The following TMEM44 variants were observed in gnomAD, a reference collection of about 807,000 sequenced individuals.
The protein encoded by TMEM44 is transmembrane protein 44.
A neutral mutation model predicts 47.8 loss-of-function variants in TMEM44; 43 were observed. The observed-to-expected ratio is 0.90, with a 90% CI of 0.70 to 1.16. TMEM44 has a LOEUF of 1.16. TMEM44 is among the 50% of genes most tolerant of loss of function. TMEM44 has a pLI of 0.00. For missense variants in TMEM44, 568 were observed against 555.2 expected, an observed-to-expected ratio of 1.02 and a Z score of -0.23; for synonymous variants, 277 against 238.8, an observed-to-expected ratio of 1.16 and a Z score of -1.48.
intron 1 of TMEM44, 76 bp from the exon 2 acceptor site, chr3:194,628,585 C>T (rs1717429149): frequency 6.7e-7 from 1 of 1,492,342 alleles, no homozygotes; most frequent in Non-Finnish European, 9.0e-7. Flanking sequence ...AAAAGGGCAA[C>T]TGTGACCCCG....
chr3:194,615,538 C>G lies in TMEM44; in HGVS notation c.912+31G>C. The G allele has an allele frequency of 1.9e-6, 3 of 1,607,874 alleles. 1 individual carries two copies. In the South Asian group the frequency reaches 3.3e-5, roughly 18 times the overall value. On this transcript the variant is annotated intron_variant, in intron 7 of 9. Coordinates refer to ENST00000347147, the MANE Select transcript of TMEM44 (RefSeq NM_001011655.3). ...TACTGTTGCTGGGACCAGAGTTTTC[C>G]AGCCAGAGAGACCTTGTCCTCGTTC...
chr3:194,598,026 T>C (rs981002760), intron 9 of TMEM44, among the ~76,000 whole-genome samples: 24 of 152,156 alleles, frequency 1.6e-4, no homozygotes, highest in Admixed American at 2.6e-4. Flanking sequence ...TGACGTTGTA[T>C]TGAATGGGTG....
chr3:194,588,603 C>G lies in TMEM44; in HGVS notation c.1213G>C (p.Glu405Gln). 6.2e-7 allele frequency: 1 copy of G among 1,614,216 alleles called. No individual in the cohort carries two copies. The highest frequency in any genetic ancestry group is 8.5e-7 in the Non-Finnish European group (1 of 1,180,044). Residue 405 changes from glutamate to glutamine, a missense_variant, in exon 10 of 10, where the codon GAA (glutamate) becomes CAA (glutamine). Glu to Gln is a conservative substitution (Grantham distance 29). Coordinates refer to ENST00000347147, the MANE Select transcript of TMEM44 (RefSeq NM_001011655.3). ...TGGGATCCCAGTAGCTCCACATTTT[C>G]TTTGCTGCCTTCGAGGTTCACATCT... ...PEDVNLEGSK[E>Q]NVELLGSQVH...
At chr3:194,599,591 T>TTTTC (rs1713833701) in intron 9 of TMEM44, among the ~76,000 whole-genome samples, 4 of 58,596 alleles carry the variant, frequency 6.8e-5, no homozygotes, top group Admixed American at 4.2e-4. Context: ...CTTTTCTTTT[T>TTTTC]TTTTTTTTTT....
At position 194,594,153 on chromosome 3, in the gene TMEM44, A is replaced by ATCTATCTGTCTG. The variant is rs1553824445; in HGVS notation, c.1177-5515_1177-5514insCAGACAGATAGA. ...TATCTATCTATCTATCTATCTATCT[A>ATCTATCTGTCTG]TCTATCTATCTATATCTATCTATCT... On this transcript the variant is annotated intron_variant, in intron 9 of 9. Transcript: ENST00000347147. Among the ~76,000 whole-genome samples the ATCTATCTGTCTG allele has an allele frequency of 2.7e-3, 406 of 148,392 alleles. 6 individuals are homozygous for ATCTATCTGTCTG. Among genetic ancestry groups the ATCTATCTGTCTG allele is most frequent in the South Asian group, 4.5e-3 (21 of 4,648 alleles).
Position 194,617,173 on chromosome 3 carries a change from G to C in TMEM44, c.709C>G (p.Gln237Glu), listed in dbSNP as rs760646334. Residue 237 changes from glutamine (Q) to glutamate (E), a missense_variant, in exon 6 of 10, where the codon CAG becomes GAG. By Grantham distance (29) the Gln-to-Glu change is conservative. Coordinates refer to ENST00000347147, the MANE Select transcript of TMEM44 (RefSeq NM_001011655.3). The stretch of plus-strand genomic sequence containing the variant: ...GCCCGCAGCAGGTACTCAGGGTGCT[G>C]GTCGTGGGCCACAATGGCCGAGGCA... ...LYASAIVAHD[Q>E]HPEYLLRATP... 3 of 1,554,948 alleles carry C rather than the reference G, an allele frequency of 1.9e-6. No individual in the cohort carries two copies. Among genetic ancestry groups the C allele is most frequent in the African/African-American group, 2.7e-5 (2 of 73,430 alleles).
rs1159152360 is a variant in TMEM44, at chr3:194,626,385, A to G, written c.265-395T>C. Among the ~76,000 whole-genome samples, 3 of 152,368 alleles carry G rather than the reference A, an allele frequency of 2.0e-5. No individual in the cohort carries two copies. The East Asian group carries it at 5.8e-4, about 29-fold the overall frequency. ...AACAGTGCTTCCCTCAAAGACTGTCAGGAAGGTTACTTGAGACAGTACATG... is the reference window on the plus strand; with the variant it reads ...AACAGTGCTTCCCTCAAAGACTGTCGGGAAGGTTACTTGAGACAGTACATG... On this transcript the variant is annotated intron_variant, in intron 2 of 9. Transcript: ENST00000347147.
Position 194,633,197 on chromosome 3 carries a change from G to GGAGGC in TMEM44, c.18_19insGCCTC (p.Pro7AlafsTer46), listed in dbSNP as rs984310660. 68 of 1,498,482 alleles carry GGAGGC rather than the reference G, an allele frequency of 4.5e-5. No individual in the cohort carries two copies. Among genetic ancestry groups the GGAGGC allele is most frequent in the Non-Finnish European group, 5.5e-5 (62 of 1,123,568 alleles). 92.8% of individuals were successfully genotyped at this position (1,498,482 alleles called of 1,614,324 possible). Reference sequence around the variant, plus strand: ...TCCCAGTCCCAGAGCGCGGGCGCGGGGCTGGGCGCCTCCCCCATGGCGCGG... The same window carrying GGAGGC: ...TCCCAGTCCCAGAGCGCGGGCGCGGGGAGGCGCTGGGCGCCTCCCCCATGGCGCGG... On this transcript the variant is annotated frameshift_variant, in exon 1 of 10. Transcript: ENST00000347147. LOFTEE classifies it high-confidence loss of function.
At chr3:194,591,970 G>C (rs1416627945) in intron 9 of TMEM44, among the ~76,000 whole-genome samples, 2 of 152,140 alleles carry the variant, frequency 1.3e-5, no homozygotes, top group Non-Finnish European at 2.9e-5. Context: ...TGTAATCCCA[G>C]CACTTTGGGA....
At chr3:194,623,098 A>G in intron 5 of TMEM44, 126 bp downstream of exon 5, 2 of 889,676 alleles carry the variant, frequency 2.2e-6, no homozygotes, top group Non-Finnish European at 3.3e-6. Context: ...TCTTCAGGAA[A>G]AGCTGAGCCC....
At chr3:194,629,995 T>C (rs13092592) in intron 1 of TMEM44, among the ~76,000 whole-genome samples, 2 of 49,440 alleles carry the variant, frequency 4.0e-5, no homozygotes, top group African/African-American at 8.2e-5. Flanking sequence ...TGAAATAGTA[T>C]GCTGTCGTAC....
intron 9 of TMEM44, among the ~76,000 whole-genome samples, chr3:194,602,649 A>G (rs1299125472): frequency 1.2e-4 from 18 of 150,340 alleles, no homozygotes; most frequent in African/African-American, 4.4e-4. Flanking sequence ...GGGCACTCAG[A>G]GGAAGGAGCC....
intron 8 of TMEM44, among the ~76,000 whole-genome samples, chr3:194,607,903 G>C (rs1371740106): frequency 5.3e-5 from 8 of 152,172 alleles, no homozygotes; most frequent in Non-Finnish European, 1.2e-4. Flanking sequence ...GGAAAAAGCT[G>C]GGTGGAAGCT....
At chr3:194,617,859 G>A in intron 5 of TMEM44, 2 of 646,422 alleles carry the variant, frequency 3.1e-6, no homozygotes, top group Non-Finnish European at 5.6e-6. Context: ...TCACGACAGT[G>A]AGTGAGTTCT....
rs1273156037 is a variant in TMEM44, at chr3:194,611,455, T to C, written c.913-435A>G. 1.3e-5 allele frequency among the ~76,000 whole-genome samples: 2 copies of C among 152,078 alleles called. No homozygotes were observed. Among genetic ancestry groups the C allele is most frequent in the South Asian group, 4.1e-4 (2 of 4,828 alleles). On this transcript the variant is annotated intron_variant, in intron 7 of 9. Transcript: ENST00000347147. This position sits in a 1 kb window ranked among gnomAD's most constrained non-coding sequence, Gnocchi z 4.2. ...TGAGCAGCGATCTGGAGTGAAGCTG[T>C]GATCCAGGCACTGCATTCCAGCCTA...
At chr3:194,608,844 C>G (rs1053940370) in intron 8 of TMEM44, among the ~76,000 whole-genome samples, 1 of 152,116 alleles carries the variant, frequency 6.6e-6, no homozygotes, top group African/African-American at 2.4e-5. Context: ...AGAGCTCTGG[C>G]CCAGAGGAGT....
In TMEM44 at chr3:194,623,739, C is replaced by T. The variant is rs975087001; in HGVS notation, c.359-44G>A. 3 of 1,610,996 alleles carry T rather than the reference C, an allele frequency of 1.9e-6. No individual in the cohort carries two copies. The African/African-American group carries it at 4.0e-5, about 22-fold the overall frequency. On this transcript the variant is annotated intron_variant, in intron 3 of 9. Coordinates refer to ENST00000347147, the MANE Select transcript of TMEM44 (RefSeq NM_001011655.3). ...TCCCACATGGCTCCTGGAAGCCAGA[C>T]CTTGTCAGATCAGATAGCTGCGTGG...
chr3:194,617,162 C>A lies in TMEM44; in HGVS notation c.720G>T (p.Glu240Asp). 1 of 1,558,178 alleles carries A rather than the reference C, an allele frequency of 6.4e-7. No individual in the cohort carries two copies. Among genetic ancestry groups the A allele is most frequent in the South Asian group, 1.2e-5 (1 of 84,374 alleles). ...ACCAGGGTGTGGCCCGCAGCAGGTA[C>A]TCAGGGTGCTGGTCGTGGGCCACAA... is the stretch of plus-strand genomic sequence containing the variant. Reference protein sequence around the residue: ...SAIVAHDQHPEYLLRATPWFL... With the variant: ...SAIVAHDQHPDYLLRATPWFL... Residue 240 changes from glutamate to aspartate, a missense_variant, in exon 6 of 10, where the codon GAG becomes GAT. By Grantham distance (45) the Glu-to-Asp change is conservative. Transcript: ENST00000347147.
chr3:194,592,075 G>A (rs1464249937), intron 9 of TMEM44, among the ~76,000 whole-genome samples: 4 of 151,928 alleles, frequency 2.6e-5, no homozygotes, highest in African/African-American at 4.8e-5. Flanking sequence ...AAAATTAGCC[G>A]GGCGCGGTGG....
Sources: gnomAD v4.1 joint callset for allele counts (sites outside exome capture counted in the v4.1 genomes callset) on GRCh38, gnomAD v4.1.1 for gene constraint, Gnocchi (gnomAD v3.1) non-coding constraint, MANE v1.5 for transcripts, NCBI Gene and HGNC (gene_info 2026-07-23, HGNC 2026-07-21) for gene names.